The following DNAH12 variants were observed in gnomAD, a reference collection of about 807,000 sequenced individuals.
The protein encoded by DNAH12 is dynein axonemal heavy chain 12.
DNAH12 carries 285 observed loss-of-function variants against 371.5 expected under a neutral mutation model. The ratio of observed to expected loss-of-function variants is 0.77; its 90% CI spans 0.70 to 0.85. DNAH12 has a LOEUF of 0.85. DNAH12 is among the 40% of genes least tolerant of loss of function. The probability of loss-of-function intolerance (pLI) is 0.00; values close to 1 mark genes in which losing one functional copy is unlikely to be tolerated. For synonymous variants in DNAH12, 1,200 were observed against 1,213.0 expected (o/e 0.99, Z 0.22); for missense variants, 3,611 against 3,689.4 (o/e 0.98, Z 0.55).
chr3:57,379,715 C>T (rs964599762), intron 51 of DNAH12, among the ~76,000 whole-genome samples: 1 of 151,456 alleles, frequency 6.6e-6, no homozygotes, highest in Non-Finnish European at 1.5e-5. Flanking sequence ...GTGGTGGGTG[C>T]CTGTAATCCC....
chr3:57,479,996 T>G (rs574218408), intron 13 of DNAH12, among the ~76,000 whole-genome samples: 1 of 151,754 alleles, frequency 6.6e-6, no homozygotes, highest in East Asian at 1.9e-4. Flanking sequence ...CACCCTAACA[T>G]CACAATTAAA....
chr3:57,410,468 C>T (rs1341677137), intron 39 of DNAH12, among the ~76,000 whole-genome samples: 2 of 152,138 alleles, frequency 1.3e-5, no homozygotes, highest in African/African-American at 2.4e-5. Flanking sequence ...CCATCTCTCT[C>T]CCTCTTCTCA....
intron 65 of DNAH12, among the ~76,000 whole-genome samples, chr3:57,317,850 T>C (rs775675632): frequency 1.3e-5 from 2 of 152,168 alleles, no homozygotes; most frequent in South Asian, 2.1e-4. Context: ...TTTTTGAAAA[T>C]AGCCATCCCA....
intron 34 of DNAH12, among the ~76,000 whole-genome samples, chr3:57,426,541 T>G (rs1287177199): frequency 2.6e-5 from 4 of 151,772 alleles, no homozygotes; most frequent in Non-Finnish European, 5.9e-5. Flanking sequence ...AATCAATAGA[T>G]CCTGGGGCCT....
At chr3:57,369,228 A>AAAAAT (rs1296017727) in intron 55 of DNAH12, among the ~76,000 whole-genome samples, 7 of 131,712 alleles carry the variant, frequency 5.3e-5, no homozygotes, top group African/African-American at 1.9e-4. Flanking sequence ...TTAAAAAAAA[A>AAAAAT]ATATATATAT....
At chr3:57,480,231 A>T in intron 13 of DNAH12, among the ~76,000 whole-genome samples, 1 of 152,220 alleles carries the variant, frequency 6.6e-6, no homozygotes. Flanking sequence ...AAAAATGATA[A>T]AGGGGATGTC....
At chr3:57,454,468 G>GT (rs1314294012) in intron 23 of DNAH12, among the ~76,000 whole-genome samples, 2 of 139,876 alleles carry the variant, frequency 1.4e-5, no homozygotes, top group East Asian at 3.9e-4. Flanking sequence ...CAACAAGAGC[G>GT]TAACTACATC....
rs1214905815 is a variant in DNAH12 at position 57,475,367 on chromosome 3, A to AGAT, written c.1651-2699_1651-2697dup. On this transcript the variant is annotated intron_variant, in intron 13 of 73. Transcript: ENST00000495027. ...AAGAGAGAGACAAAGAAAGAAAGAA[A>AGAT]GATTGCTCCATTTATTATAAAATAA... Among the ~76,000 whole-genome samples, 10 of 152,306 alleles carry AGAT rather than the reference A, an allele frequency of 6.6e-5. No homozygotes were observed. In the East Asian group the frequency reaches 1.9e-3, roughly 29 times the overall value.
intron 25 of DNAH12, among the ~76,000 whole-genome samples, chr3:57,449,301 C>T (rs559594761): frequency 5.9e-5 from 9 of 152,352 alleles, no homozygotes; most frequent in East Asian, 3.9e-4. Context: ...ATCCCACACC[C>T]GGGCTGCAGG....
At chr3:57,406,045 ACT>A in intron 40 of DNAH12, 93 bp from the exon 41 acceptor site, 1 of 1,318,408 alleles carries the variant, frequency 7.6e-7, no homozygotes, top group Middle Eastern at 2.3e-4. Context: ...TATTTTATTT[ACT>A]CTGTCAGATT....
chr3:57,421,438 A>G, intron 36 of DNAH12, 80 bp downstream of exon 36: 1 of 1,406,826 alleles, frequency 7.1e-7, no homozygotes, highest in Non-Finnish European at 9.6e-7. Context: ...AAATAACTCT[A>G]GGATGAAAAC....
At chr3:57,344,221 C>A (rs2062482976) in intron 60 of DNAH12, among the ~76,000 whole-genome samples, 1 of 68,704 alleles carries the variant, frequency 1.5e-5, no homozygotes, top group African/African-American at 5.0e-5. Context: ...TCAGGAAATG[C>A]AAATCAAAAC....
chr3:57,549,969 G>A, the DNAH12 span, among the ~76,000 whole-genome samples: 1 of 151,414 alleles, frequency 6.6e-6, no homozygotes, highest in South Asian at 2.1e-4. Context: ...TCAAATGAGA[G>A]AACCAAATTT....
intron 36 of DNAH12, among the ~76,000 whole-genome samples, 179 bp from the exon 37 acceptor site, chr3:57,419,697 A>G (rs575152598): frequency 1.5e-3 from 229 of 152,340 alleles, no homozygotes; most frequent in African/African-American, 5.4e-3. Flanking sequence ...TAAGCAGATT[A>G]ATAAAATAAG....
intron 5 of DNAH12, among the ~76,000 whole-genome samples, chr3:57,510,530 C>G (rs1412909345): frequency 6.6e-6 from 1 of 151,918 alleles, no homozygotes; most frequent in East Asian, 1.9e-4. Flanking sequence ...GTTCCAGGTA[C>G]TCGGGAGGCT....
intron 57 of DNAH12, among the ~76,000 whole-genome samples, chr3:57,365,916 AG>A (rs2063042703): frequency 6.6e-6 from 1 of 151,784 alleles, no homozygotes; most frequent in African/African-American, 2.4e-5. Context: ...ATAGATTCCT[AG>A]GGGTGAAATT....
intron 69 of DNAH12, among the ~76,000 whole-genome samples, chr3:57,307,228 G>A (rs1391134560): frequency 1.4e-5 from 2 of 138,960 alleles, no homozygotes; most frequent in Admixed American, 7.1e-5. Flanking sequence ...GGTTAGATAC[G>A]ACTTTAGATA....
rs2107668900 is a variant in DNAH12 at position 57,306,670 on chromosome 3, A to G, written c.11189+2481T>C. 1.3e-5 allele frequency among the ~76,000 whole-genome samples: 2 copies of G among 152,170 alleles called. 1 individual carries two copies. Among genetic ancestry groups the G allele is most frequent in the African/African-American group, 4.8e-5 (2 of 41,504 alleles). On this transcript the variant is annotated intron_variant, in intron 69 of 73. Coordinates refer to ENST00000495027, the MANE Select transcript of DNAH12 (RefSeq NM_001366028.2). The stretch of plus-strand genomic sequence containing the variant: ...ATCACCCTTACCCCGCATAATGCCA[A>G]TATCCCATCCCACAGCACACTTTAA...
chr3:57,309,666 C>A lies in DNAH12; in HGVS notation c.11085G>T (p.Lys3695Asn). ...LLEITKDILN[K>N]LPSDFDIEMA... ...TAACATATTTTAAGCTGAACATTACCTTGTTGAGGATATCTTTGGTAATTT... is the reference window on the plus strand; with the variant it reads ...TAACATATTTTAAGCTGAACATTACATTGTTGAGGATATCTTTGGTAATTT... The change falls in exon 68 of 74, where the codon AAG becomes AAT. Residue 3695 changes from lysine (K) to asparagine (N), a missense_variant and splice_region_variant. Physicochemically the swap from Lys to Asn is moderately conservative, Grantham distance 94. Coordinates refer to ENST00000495027, the MANE Select transcript of DNAH12 (RefSeq NM_001366028.2). 1 of 1,502,260 alleles carries A rather than the reference C, an allele frequency of 6.7e-7. No homozygotes were observed. Among genetic ancestry groups the A allele is most frequent in the Admixed American group, 2.5e-5 (1 of 40,006 alleles). 93.1% of individuals were successfully genotyped at this position (1,502,260 alleles called of 1,614,324 possible).
Sources: gnomAD v4.1 joint callset for allele counts (sites outside exome capture counted in the v4.1 genomes callset) on GRCh38, gnomAD v4.1.1 for gene constraint, MANE v1.5 for transcripts, NCBI Gene and HGNC (gene_info 2026-07-23, HGNC 2026-07-21) for gene names.